Variants in MAGI2 observed in about 807,000 individuals in gnomAD.
MAGI2 encodes the protein membrane associated guanylate kinase, WW and PDZ domain containing 2.
MAGI2 carries 35 observed loss-of-function variants against 133.3 expected under a neutral mutation model. The ratio of observed to expected loss-of-function variants is 0.26; its 90% CI spans 0.20 to 0.35. MAGI2 has a LOEUF of 0.35. MAGI2 is among the 10% of genes least tolerant of loss of function. The pLI, the probability that MAGI2 is intolerant of heterozygous loss-of-function variation, is 1.00. For synonymous variants in MAGI2, 729 were observed against 710.6 expected (o/e 1.03, Z -0.41); for missense variants, 1,636 against 1,863.4 (o/e 0.88, Z 2.25).
intron 2 of MAGI2, among the ~76,000 whole-genome samples, chr7:78,664,548 T>G (rs978159953): frequency 6.6e-6 from 1 of 152,042 alleles, no homozygotes; most frequent in African/African-American, 2.4e-5. Flanking sequence ...TAGTATGTTT[T>G]TCTACTTTTG....
chr7:78,940,537 T>G (rs1324173674), intron 2 of MAGI2: 1 of 152,134 alleles, frequency 6.6e-6, no homozygotes, highest in African/African-American at 2.4e-5. Flanking sequence ...CCTTCTCTGA[T>G]ATGGTTAATC....
At position 78,991,613 on chromosome 7, in the gene MAGI2, G is replaced by A. The variant is rs1283468805; in HGVS notation, c.418+15477C>T. Among the ~76,000 whole-genome samples the A allele has an allele frequency of 8.8e-5, 13 of 147,234 alleles. 1 individual carries two copies. The stretch of plus-strand genomic sequence containing the variant: ...TCCTTTTTTTTTTTTTTTAAATAAT[G>A]AGGAGAACACTCATGAACTAATAGG... On this transcript the variant is annotated intron_variant, in intron 2 of 21. Transcript: ENST00000354212.
chr7:78,443,798 C>G (rs1230938238), intron 6 of MAGI2, among the ~76,000 whole-genome samples: 2 of 152,104 alleles, frequency 1.3e-5, no homozygotes, highest in Admixed American at 6.6e-5. Flanking sequence ...TGAATTGACT[C>G]TGGAATACAG....
chr7:78,283,961 G>A (rs988910960), intron 9 of MAGI2, among the ~76,000 whole-genome samples: 5 of 152,062 alleles, frequency 3.3e-5, no homozygotes, highest in Non-Finnish European at 7.4e-5. Flanking sequence ...AAACTCAGGA[G>A]TAATTATTTT....
chr7:79,418,721 C>T (rs993693861), intron 1 of MAGI2, among the ~76,000 whole-genome samples: 1 of 151,574 alleles, frequency 6.6e-6, no homozygotes, highest in African/African-American at 2.4e-5. Flanking sequence ...TAAATAAAAT[C>T]CCCTGAACCT....
At chr7:78,579,557 A>G (rs1392948445) in intron 3 of MAGI2, among the ~76,000 whole-genome samples, 2 of 152,190 alleles carry the variant, frequency 1.3e-5, no homozygotes, top group Non-Finnish European at 2.9e-5. Flanking sequence ...ATGGTACCAG[A>G]GGAATCTGCG....
At chr7:79,145,735 A>G (rs1483372273) in intron 1 of MAGI2, among the ~76,000 whole-genome samples, 3 of 152,168 alleles carry the variant, frequency 2.0e-5, no homozygotes, top group African/African-American at 7.2e-5. Flanking sequence ...TAATTTCTGA[A>G]TTTATTTTTA....
chr7:78,476,476 A>G (rs1791761075), intron 6 of MAGI2, among the ~76,000 whole-genome samples: 1 of 152,036 alleles, frequency 6.6e-6, no homozygotes, highest in African/African-American at 2.4e-5. Flanking sequence ...AAAATAATAT[A>G]ATCTCCAAGA....
intron 6 of MAGI2, among the ~76,000 whole-genome samples, chr7:78,478,918 G>A (rs1792067465): frequency 6.6e-6 from 1 of 151,940 alleles, no homozygotes; most frequent in South Asian, 2.1e-4. Flanking sequence ...AAGGGGGAGA[G>A]TAACTGGGAC....
intron 2 of MAGI2, among the ~76,000 whole-genome samples, chr7:78,794,025 T>G (rs939417965): frequency 6.6e-6 from 1 of 152,248 alleles, no homozygotes; most frequent in South Asian, 2.1e-4. Context: ...ATAAAGTGAC[T>G]AGATGGTACT....
intron 2 of MAGI2, among the ~76,000 whole-genome samples, chr7:78,964,154 A>T (rs952453683): frequency 2.7e-5 from 4 of 150,426 alleles, no homozygotes; most frequent in Admixed American, 6.6e-5. Flanking sequence ...TTTTCTTTTA[A>T]TTTTTTTTCT....
In MAGI2 at chr7:79,295,422, G is replaced by T. The variant is rs567481091; in HGVS notation, c.301+157598C>A. On this transcript the variant is annotated intron_variant, in intron 1 of 21. Coordinates refer to ENST00000354212, the MANE Select transcript of MAGI2 (RefSeq NM_012301.4). ...ATCACCTGCAGTATATCCAATGGAA[G>T]AAATAATAAATACAACTTAGAGATT... Among the ~76,000 whole-genome samples, 3 of 152,172 alleles carry T rather than the reference G, an allele frequency of 2.0e-5. No homozygotes were observed. In the South Asian group the frequency reaches 6.2e-4, roughly 32 times the overall value.
At chr7:78,269,787 A>G (rs1416535927) in intron 9 of MAGI2, among the ~76,000 whole-genome samples, 3 of 152,080 alleles carry the variant, frequency 2.0e-5, no homozygotes, top group East Asian at 1.9e-4. Flanking sequence ...CCATTTGTCA[A>G]TTTTGGCTTT....
At chr7:78,321,093 C>A (rs998795315) in intron 9 of MAGI2, among the ~76,000 whole-genome samples, 1 of 152,152 alleles carries the variant, frequency 6.6e-6, no homozygotes, top group African/African-American at 2.4e-5. Context: ...AGGAGAACTA[C>A]AAACCACTGC....
chr7:79,161,382 T>C (rs563495360), intron 1 of MAGI2, among the ~76,000 whole-genome samples: 1 of 152,184 alleles, frequency 6.6e-6, no homozygotes, highest in Admixed American at 6.5e-5. Flanking sequence ...TTGGGGCTGA[T>C]GCCAAAAATA....
chr7:78,162,061 G>C (rs1483979486), intron 15 of MAGI2, among the ~76,000 whole-genome samples: 1 of 152,132 alleles, frequency 6.6e-6, no homozygotes, highest in African/African-American at 2.4e-5. Flanking sequence ...AAAGTGATTA[G>C]GGATAGTCAG....
chr7:79,442,542 G>A (rs1016062536), intron 1 of MAGI2, among the ~76,000 whole-genome samples: 2 of 151,238 alleles, frequency 1.3e-5, no homozygotes, highest in African/African-American at 4.9e-5. Context: ...TGACTCCCAC[G>A]CTAGACTGAA....
At chr7:78,811,518 A>C (rs2151408118) in intron 2 of MAGI2, among the ~76,000 whole-genome samples, 1 of 152,266 alleles carries the variant, frequency 6.6e-6, no homozygotes, top group East Asian at 1.9e-4. Context: ...TTTGGGAAAA[A>C]ATCATATATT....
chr7:78,450,662 T>TC (rs11383886), intron 6 of MAGI2, among the ~76,000 whole-genome samples: 50,607 of 151,874 alleles, frequency 0.33, 8,609 homozygotes, highest in East Asian at 0.47. Context: ...TACTTTTTTT[T>TC]CTTGCACTTT....
Sources: gnomAD v4.1 joint callset for allele counts (sites outside exome capture counted in the v4.1 genomes callset) on GRCh38, gnomAD v4.1.1 for gene constraint, MANE v1.5 for transcripts, NCBI Gene and HGNC (gene_info 2026-07-23, HGNC 2026-07-21) for gene names.